Variants in MAML2 observed in about 807,000 individuals in gnomAD.
MAML2 encodes the protein mastermind-like protein 2.
Under a neutral mutation model 96.1 loss-of-function variants are expected in MAML2, and 22 were observed. The ratio of observed to expected loss-of-function variants is 0.23; its 90% CI spans 0.16 to 0.33. The LOEUF (loss-of-function observed/expected upper bound fraction) is 0.33, where lower values mean the gene tolerates loss of function less well. MAML2 is among the 10% of genes least tolerant of loss of function. MAML2 has a pLI of 1.00. For missense variants in MAML2, 1,367 were observed against 1,392.4 expected, an observed-to-expected ratio of 0.98 and a Z score of 0.29; for synonymous variants, 561 against 521.3, an observed-to-expected ratio of 1.08 and a Z score of -1.04.
intron 1 of MAML2, among the ~76,000 whole-genome samples, chr11:96,311,675 C>A (rs903122056): frequency 6.6e-6 from 1 of 152,178 alleles, no homozygotes; most frequent in Non-Finnish European, 1.5e-5. Context: ...TTATACACAG[C>A]TTACTTACAA....
In MAML2 at chr11:96,151,255, G is replaced by C. The variant is rs141896643; in HGVS notation, c.514-57738C>G. 1.5e-3 allele frequency among the ~76,000 whole-genome samples: 235 copies of C among 152,222 alleles called. 1 individual carries two copies. The highest frequency in any genetic ancestry group is 5.4e-3 in the African/African-American group (225 of 41,524). ...CTCTTTCACCTCTCTTTATCCTTCT[G>C]ATCCATAGGGCTGAGCTAAAATGCA... On this transcript the variant is annotated intron_variant, in intron 1 of 4. Coordinates refer to ENST00000524717, the MANE Select transcript of MAML2 (RefSeq NM_032427.4).
intron 4 of MAML2, among the ~76,000 whole-genome samples, chr11:95,983,339 T>C (rs1857772198): frequency 6.6e-6 from 1 of 152,190 alleles, no homozygotes; most frequent in South Asian, 2.1e-4. Context: ...TTCTCATCCA[T>C]ATGTGTAAGC....
intron 1 of MAML2, among the ~76,000 whole-genome samples, chr11:96,271,024 G>A (rs1264578630): frequency 3.3e-5 from 5 of 152,134 alleles, no homozygotes; most frequent in African/African-American, 4.8e-5. Context: ...TCCTGCCCTC[G>A]AACATCAGAC....
At chr11:96,261,154 T>C (rs561262342) in intron 1 of MAML2, among the ~76,000 whole-genome samples, 20 of 152,270 alleles carry the variant, frequency 1.3e-4, no homozygotes, top group Admixed American at 8.5e-4. Flanking sequence ...ATAAATGGAT[T>C]AATCCATTCA....
Position 96,269,059 on chromosome 11 carries a change from C to A in MAML2, c.513+72324G>T, listed in dbSNP as rs1862872878. 2.8e-5 allele frequency among the ~76,000 whole-genome samples: 4 copies of A among 145,078 alleles called. 1 individual carries two copies. Among genetic ancestry groups the A allele is most frequent in the Admixed American group, 2.2e-4 (3 of 13,754 alleles). On this transcript the variant is annotated intron_variant, in intron 1 of 4. Coordinates refer to ENST00000524717, the MANE Select transcript of MAML2 (RefSeq NM_032427.4). ...TTATGAAACAATATAATGTTGGCAT[C>A]ATAATCCACTTCATTCATATACCAT... is the stretch of plus-strand genomic sequence containing the variant.
chr11:96,211,877 G>A (rs1861977217), intron 1 of MAML2, among the ~76,000 whole-genome samples: 1 of 152,122 alleles, frequency 6.6e-6, no homozygotes, highest in Admixed American at 6.6e-5. Context: ...AATACAGAGG[G>A]AAGATTAGAT....
At position 96,278,881 on chromosome 11, in the gene MAML2, G is replaced by C. The variant is rs1011321073; in HGVS notation, c.513+62502C>G. Among the ~76,000 whole-genome samples, 3 of 152,306 alleles carry C rather than the reference G, an allele frequency of 2.0e-5. No individual in the cohort carries two copies. The South Asian group carries it at 6.2e-4, about 32-fold the overall frequency. On this transcript the variant is annotated intron_variant, in intron 1 of 4. Transcript: ENST00000524717. ...CCTAGAGGTAGGATAACTGCGGGGGGTATGTCTATAGCAATAAAAGTGAGA... is the reference window on the plus strand; with the variant it reads ...CCTAGAGGTAGGATAACTGCGGGGGCTATGTCTATAGCAATAAAAGTGAGA...
chr11:96,155,003 C>T (rs1335619399), intron 1 of MAML2, among the ~76,000 whole-genome samples: 1 of 152,126 alleles, frequency 6.6e-6, no homozygotes, highest in East Asian at 1.9e-4. Context: ...CCCCGTTCTC[C>T]CAGGGAGTGC....
At chr11:95,988,784 C>G (rs118024134) in intron 3 of MAML2, among the ~76,000 whole-genome samples, 1 of 151,944 alleles carries the variant, frequency 6.6e-6, no homozygotes, top group Non-Finnish European at 1.5e-5. Context: ...GACTGACATT[C>G]CTATTCTGTG....
At chr11:96,145,572 G>C (rs1276441406) in intron 1 of MAML2, among the ~76,000 whole-genome samples, 1 of 152,192 alleles carries the variant, frequency 6.6e-6, no homozygotes, top group Non-Finnish European at 1.5e-5. Context: ...TAGGTGTTAA[G>C]ACGTGTGGGT....
chr11:96,147,573 G>A (rs555979467), intron 1 of MAML2, among the ~76,000 whole-genome samples: 2 of 152,320 alleles, frequency 1.3e-5, no homozygotes, highest in Admixed American at 6.5e-5. Context: ...ATGAGCAAAG[G>A]CTATGTGCTT....
intron 2 of MAML2, among the ~76,000 whole-genome samples, chr11:96,080,208 T>C (rs538599419): frequency 6.6e-6 from 1 of 152,306 alleles, no homozygotes; most frequent in Non-Finnish European, 1.5e-5. Context: ...ACTAAAATCT[T>C]CATCTACTAT....
At chr11:96,097,305 C>A (rs1442100677) in intron 1 of MAML2, among the ~76,000 whole-genome samples, 1 of 152,088 alleles carries the variant, frequency 6.6e-6, no homozygotes, top group South Asian at 2.1e-4. Context: ...GGGAACAAGA[C>A]CTAACCAGGG....
intron 1 of MAML2, among the ~76,000 whole-genome samples, chr11:96,293,065 A>C (rs1863237819): frequency 6.6e-6 from 1 of 152,242 alleles, no homozygotes; most frequent in Non-Finnish European, 1.5e-5. Context: ...TATGCTTGAA[A>C]AGGTTATCCA....
chr11:96,083,624 T>C (rs1859561245), intron 2 of MAML2, among the ~76,000 whole-genome samples: 1 of 152,210 alleles, frequency 6.6e-6, no homozygotes, highest in Non-Finnish European at 1.5e-5. Flanking sequence ...TGTTCCTAAC[T>C]TCTGTTGGGG....
chr11:96,167,662 C>T (rs891271048), intron 1 of MAML2, among the ~76,000 whole-genome samples: 7 of 152,202 alleles, frequency 4.6e-5, no homozygotes, highest in African/African-American at 1.7e-4. Context: ...GCTTCTCCCT[C>T]TTACTTGTCA....
chr11:96,320,276 G>A (rs1428478781), intron 1 of MAML2, among the ~76,000 whole-genome samples: 1 of 152,216 alleles, frequency 6.6e-6, no homozygotes, highest in Non-Finnish European at 1.5e-5. Context: ...AAGCAATGAA[G>A]TACAGTCAGG....
chr11:96,262,818 A>T (rs1363190364), intron 1 of MAML2, among the ~76,000 whole-genome samples: 2 of 152,368 alleles, frequency 1.3e-5, no homozygotes, highest in East Asian at 3.9e-4. Context: ...GCTTGTAGAT[A>T]AACATGGCAA....
At chr11:96,151,009 C>T (rs1234813959) in intron 1 of MAML2, among the ~76,000 whole-genome samples, 1 of 152,242 alleles carries the variant, frequency 6.6e-6, no homozygotes, top group African/African-American at 2.4e-5. Flanking sequence ...GATCTGAATG[C>T]ACATTAAAGT....
Sources: allele counts gnomAD v4.1 joint callset (sites outside exome capture counted in the v4.1 genomes callset), GRCh38; gene constraint gnomAD v4.1.1; transcripts MANE v1.5; gene names NCBI Gene and HGNC (gene_info 2026-07-23, HGNC 2026-07-21).